Variants in OSBPL1A observed in about 807,000 individuals in gnomAD.
The protein encoded by OSBPL1A is oxysterol binding protein like 1A, also known as oxysterol-binding protein-related protein 1.
Under a neutral mutation model 137.1 loss-of-function variants are expected in OSBPL1A, and 80 were observed. The ratio of observed to expected loss-of-function variants is 0.58; its 90% CI spans 0.49 to 0.70. The LOEUF is 0.70. Among genes scored for constraint, OSBPL1A ranks in the 30% least tolerant of loss-of-function variants. OSBPL1A has a pLI of 0.00. For missense variants in OSBPL1A, 970 were observed against 1,129.4 expected (o/e 0.86, Z 2.02); for synonymous variants, 365 against 389.7 (o/e 0.94, Z 0.75).
At chr18:24,251,989 T>C (rs963792993) in intron 15 of OSBPL1A, among the ~76,000 whole-genome samples, 2 of 151,984 alleles carry the variant, frequency 1.3e-5, no homozygotes, top group African/African-American at 2.4e-5. Flanking sequence ...AAGAAAGAAT[T>C]AGTGAGCCTG....
intron 4 of OSBPL1A, among the ~76,000 whole-genome samples, chr18:24,363,794 A>G (rs1350606478): frequency 6.6e-6 from 1 of 150,584 alleles, no homozygotes; most frequent in Non-Finnish European, 1.5e-5. Flanking sequence ...GATGCACACC[A>G]CCACACCAGG....
chr18:24,210,070 T>C (rs912962224), intron 17 of OSBPL1A, among the ~76,000 whole-genome samples: 2 of 152,222 alleles, frequency 1.3e-5, no homozygotes, highest in South Asian at 2.1e-4. Context: ...ATGTAACTTG[T>C]TGCTATAGAT....
chr18:24,380,470 T>C (rs1906497373), intron 1 of OSBPL1A, among the ~76,000 whole-genome samples: 1 of 152,158 alleles, frequency 6.6e-6, no homozygotes, highest in African/African-American at 2.4e-5. Context: ...AGTGTTCTCC[T>C]TTCACCCACA....
chr18:24,204,670 A>G (rs145901663), intron 17 of OSBPL1A, among the ~76,000 whole-genome samples: 10 of 151,720 alleles, frequency 6.6e-5, no homozygotes, highest in Non-Finnish European at 1.5e-4. Flanking sequence ...TTTAAGGGGT[A>G]TGTCCTTGTT....
At position 24,358,536 on chromosome 18, in the gene OSBPL1A, T is replaced by C. The variant is rs968653502; in HGVS notation, c.282+8356A>G. 5 of 702,296 alleles carry C rather than the reference T, an allele frequency of 7.1e-6. No individual in the cohort carries two copies. The Admixed American group carries it at 1.0e-4, about 14-fold the overall frequency. The allele number at this position is 702,296 out of a possible 1,614,324, so 43.5% of individuals were successfully genotyped here. On this transcript the variant is annotated intron_variant, in intron 4 of 27. Transcript: ENST00000319481. ...TCTAGAACAAATTATATGTATATATTTCAAGGCAGTCATTCTCCATCAAAT... is the reference window on the plus strand; with the variant it reads ...TCTAGAACAAATTATATGTATATATCTCAAGGCAGTCATTCTCCATCAAAT...
At chr18:24,331,618 G>C (rs1055724655) in intron 7 of OSBPL1A, among the ~76,000 whole-genome samples, 2 of 149,502 alleles carry the variant, frequency 1.3e-5, no homozygotes, top group African/African-American at 5.1e-5. Flanking sequence ...GGATGGTCTC[G>C]ATCTCCTGAC....
chr18:24,223,132 T>C (rs1490614036), intron 17 of OSBPL1A, among the ~76,000 whole-genome samples: 1 of 152,190 alleles, frequency 6.6e-6, no homozygotes, highest in East Asian at 1.9e-4. Flanking sequence ...CAAACTACTA[T>C]GAATACAAAT....
chr18:24,242,255 A>G (rs1254526634), intron 15 of OSBPL1A, among the ~76,000 whole-genome samples: 1 of 151,312 alleles, frequency 6.6e-6, no homozygotes, highest in Non-Finnish European at 1.5e-5. Context: ...AGAACACTGC[A>G]TGTTCTGCAT....
chr18:24,174,029 A>G (rs1410712218), intron 21 of OSBPL1A, among the ~76,000 whole-genome samples: 1 of 152,210 alleles, frequency 6.6e-6, no homozygotes, highest in African/African-American at 2.4e-5. Context: ...CAATTTGTAT[A>G]ATGCACCTGA....
intron 4 of OSBPL1A, among the ~76,000 whole-genome samples, chr18:24,353,114 A>G (rs1222323444): frequency 6.6e-6 from 1 of 152,214 alleles, no homozygotes; most frequent in Admixed American, 6.5e-5. Flanking sequence ...AAAAACTACC[A>G]TCAGAGTGAA....
intron 13 of OSBPL1A, among the ~76,000 whole-genome samples, chr18:24,309,940 A>G (rs1469504581): frequency 4.0e-5 from 6 of 151,412 alleles, no homozygotes; most frequent in Non-Finnish European, 8.8e-5. Flanking sequence ...CCAGCTACTC[A>G]GGAGGCTGAG....
chr18:24,224,579 C>G (rs1048691560), intron 17 of OSBPL1A, among the ~76,000 whole-genome samples: 2 of 152,156 alleles, frequency 1.3e-5, no homozygotes, highest in African/African-American at 4.8e-5. Context: ...TTCAGCAAGT[C>G]CTGGGTCTTA....
At chr18:24,265,942 T>C (rs1000177968) in intron 15 of OSBPL1A, among the ~76,000 whole-genome samples, 2 of 152,222 alleles carry the variant, frequency 1.3e-5, no homozygotes, top group African/African-American at 4.8e-5. Flanking sequence ...TTTTGCTCCC[T>C]TTCTCTCCCT....
intron 24 of OSBPL1A, among the ~76,000 whole-genome samples, chr18:24,169,465 CTT>C (rs2086222654): frequency 6.6e-6 from 1 of 152,186 alleles, no homozygotes; most frequent in Non-Finnish European, 1.5e-5. Flanking sequence ...GCAGAAATGA[CTT>C]TATCAGTCTT....
intron 27 of OSBPL1A, among the ~76,000 whole-genome samples, chr18:24,164,680 G>A (rs1003596633): frequency 6.6e-5 from 10 of 151,748 alleles, no homozygotes; most frequent in South Asian, 2.1e-4. Context: ...CGCCCGCCTC[G>A]GCCTCCCAAA....
intron 15 of OSBPL1A, among the ~76,000 whole-genome samples, chr18:24,277,510 C>T (rs1213908073): frequency 6.6e-6 from 1 of 152,136 alleles, no homozygotes; most frequent in South Asian, 2.1e-4. Context: ...AAAACAATCC[C>T]TTTTGGGTGG....
intron 16 of OSBPL1A, among the ~76,000 whole-genome samples, chr18:24,237,086 T>TA (rs147413513): frequency 3.3e-5 from 5 of 150,440 alleles, no homozygotes; most frequent in East Asian, 3.9e-4. Context: ...ATTCATGACT[T>TA]AAAAAAAAAA....
chr18:24,167,933 C>T (rs1266783161), intron 24 of OSBPL1A, among the ~76,000 whole-genome samples: 2 of 152,168 alleles, frequency 1.3e-5, no homozygotes, highest in East Asian at 3.9e-4. Flanking sequence ...GGGAAGCCAA[C>T]GGATACCTGC....
At chr18:24,228,224 C>G (rs111283953) in intron 16 of OSBPL1A, among the ~76,000 whole-genome samples, 3 of 151,374 alleles carry the variant, frequency 2.0e-5, no homozygotes, top group Admixed American at 6.6e-5. Flanking sequence ...CGACTCACCC[C>G]CTCTGTGCCC....
Sources: gnomAD v4.1 joint callset for allele counts (sites outside exome capture counted in the v4.1 genomes callset) on GRCh38, gnomAD v4.1.1 for gene constraint, MANE v1.5 for transcripts, NCBI Gene and HGNC (gene_info 2026-07-23, HGNC 2026-07-21) for gene names.